The following DNAH6 variants were observed in gnomAD, a reference collection of about 807,000 sequenced individuals.
The protein encoded by DNAH6 is dynein axonemal heavy chain 6.
Under a neutral mutation model 491.4 loss-of-function variants are expected in DNAH6, and 340 were observed. The ratio of observed to expected loss-of-function variants is 0.69; its 90% confidence interval spans 0.63 to 0.76. DNAH6 has a LOEUF of 0.76. Among genes scored for constraint, DNAH6 ranks in the 30% least tolerant of loss-of-function variants. The pLI, the probability that DNAH6 is intolerant of heterozygous loss-of-function variation, is 0.00. For synonymous variants in DNAH6, 1,603 were observed against 1,686.1 expected (o/e 0.95, Z 1.21); for missense variants, 4,443 against 4,972.2 (o/e 0.89, Z 3.20).
At chr2:84,551,720 C>T (rs1679387863) in intron 9 of DNAH6, among the ~76,000 whole-genome samples, 3 of 152,140 alleles carry the variant, frequency 2.0e-5, no homozygotes, top group South Asian at 2.1e-4. Context: ...GTATACTCTC[C>T]AGAAAGCTTT....
At chr2:84,531,831 A>AT (rs888362382) in intron 4 of DNAH6, among the ~76,000 whole-genome samples, 1 of 151,786 alleles carries the variant, frequency 6.6e-6, no homozygotes, top group African/African-American at 2.4e-5. Flanking sequence ...AAGCCCTTCA[A>AT]TTAAAAAAAA....
intron 4 of DNAH6, among the ~76,000 whole-genome samples, chr2:84,540,668 A>C (rs958543402): frequency 6.6e-6 from 1 of 152,128 alleles, no homozygotes; most frequent in African/African-American, 2.4e-5. Flanking sequence ...AAGGGCCCCA[A>C]AATTCTCTCA....
intron 29 of DNAH6, among the ~76,000 whole-genome samples, chr2:84,625,446 G>T (rs145123753): frequency 0.015 from 2,221 of 152,172 alleles, 24 homozygotes; most frequent in Non-Finnish European, 0.022. Flanking sequence ...TATGTGGGAG[G>T]TGAGAATTCA....
intron 33 of DNAH6, among the ~76,000 whole-genome samples, chr2:84,651,397 AC>A (rs1690440917): frequency 6.6e-6 from 1 of 152,124 alleles, no homozygotes; most frequent in South Asian, 2.1e-4. Flanking sequence ...GACTTGTTAC[AC>A]CCTAGCTAGA....
At chr2:84,813,794 T>A (rs2105343539) in intron 74 of DNAH6, among the ~76,000 whole-genome samples, 177 bp from the exon 75 acceptor site, 1 of 152,136 alleles carries the variant, frequency 6.6e-6, no homozygotes, top group South Asian at 2.1e-4. Flanking sequence ...CCTCCCAACA[T>A]GACCCGCAGG....
chr2:84,569,277 A>G (rs1681536268), intron 11 of DNAH6, among the ~76,000 whole-genome samples: 1 of 152,126 alleles, frequency 6.6e-6, no homozygotes, highest in South Asian at 2.1e-4. Flanking sequence ...GGCAAAGTAC[A>G]AAAGAATATC....
At chr2:84,686,417 T>C (rs890867740) in intron 43 of DNAH6, 67 bp from the exon 44 acceptor site, 21 of 917,016 alleles carry the variant, frequency 2.3e-5, no homozygotes, top group Non-Finnish European at 3.4e-5. Context: ...TTCTATATGT[T>C]TTATCACTAA....
At chr2:84,543,563 T>C (rs1678471063) in intron 4 of DNAH6, among the ~76,000 whole-genome samples, 1 of 152,230 alleles carries the variant, frequency 6.6e-6, no homozygotes, top group Admixed American at 6.5e-5. Context: ...GGAAAAATTT[T>C]ATTTTAAGCA....
At chr2:84,517,129 C>T (rs1675677039) in intron 1 of DNAH6, among the ~76,000 whole-genome samples, 1 of 152,162 alleles carries the variant, frequency 6.6e-6, no homozygotes, top group South Asian at 2.1e-4. Context: ...GATTCAAGAC[C>T]TCTTGTGCTA....
intron 33 of DNAH6, among the ~76,000 whole-genome samples, chr2:84,643,167 T>G (rs894501299): frequency 6.6e-6 from 1 of 152,060 alleles, no homozygotes; most frequent in Non-Finnish European, 1.5e-5. Context: ...GTTGGTGGGG[T>G]TTTCCTCATA....
chr2:84,610,465 C>T lies in DNAH6; in HGVS notation c.3295-1209C>T, dbSNP rs112763267. Among the ~76,000 whole-genome samples, 1,361 of 152,230 alleles carry T rather than the reference C, an allele frequency of 8.9e-3. 12 individuals are homozygous for T. The highest frequency in any genetic ancestry group is 0.031 in the African/African-American group (1,277 of 41,536). ...GGCCACCTTATGAGTCTTGCTACAA[C>T]GACTATATTTACTGGAAGAATGCTC... On this transcript the variant is annotated intron_variant, in intron 21 of 76. Transcript: ENST00000389394.
At chr2:84,553,365 T>TTTC (rs201356778) in intron 10 of DNAH6, among the ~76,000 whole-genome samples, 820 of 19,710 alleles carry the variant, frequency 0.042, 20 homozygotes, top group Middle Eastern at 0.059. Flanking sequence ...TTTTCTTTTC[T>TTTC]TTTCTTTCTT....
chr2:84,778,883 T>G (rs1196914507), intron 64 of DNAH6, among the ~76,000 whole-genome samples: 1 of 152,250 alleles, frequency 6.6e-6, no homozygotes, highest in Non-Finnish European at 1.5e-5. Context: ...GTTTTATTTC[T>G]GCCTTAATAT....
chr2:84,749,545 C>G (rs764675153), intron 63 of DNAH6, among the ~76,000 whole-genome samples: 8 of 152,178 alleles, frequency 5.3e-5, no homozygotes, highest in Non-Finnish European at 7.3e-5. Flanking sequence ...AAGTTAGAAG[C>G]CAAGGAACTG....
At chr2:84,557,997 A>G (rs1680239052) in intron 11 of DNAH6, 62 bp downstream of exon 11, 1 of 1,122,930 alleles carries the variant, frequency 8.9e-7, no homozygotes, top group Admixed American at 2.7e-5. Flanking sequence ...ATTAAGTAAT[A>G]TATATTTTTT....
chr2:84,733,691 T>C, intron 62 of DNAH6, 112 bp downstream of exon 62: 1 of 978,284 alleles, frequency 1.0e-6, no homozygotes, highest in East Asian at 2.7e-5. Flanking sequence ...ACTAGGAACT[T>C]CCTTCATTTC....
At chr2:84,691,523 G>A (rs1192300) in intron 45 of DNAH6, among the ~76,000 whole-genome samples, 5,255 of 152,286 alleles carry the variant, frequency 0.035, 136 homozygotes, top group Non-Finnish European at 0.053. Flanking sequence ...ATGGGTCTTC[G>A]TTGTTCTAGT....
At chr2:84,627,788 T>C (rs1558819384) in intron 29 of DNAH6, among the ~76,000 whole-genome samples, 2 of 152,196 alleles carry the variant, frequency 1.3e-5, no homozygotes, top group African/African-American at 4.8e-5. Context: ...ACTTCTGTTC[T>C]CCACTTCTCT....
At chr2:84,540,353 A>C (rs547512134) in intron 4 of DNAH6, among the ~76,000 whole-genome samples, 1 of 152,302 alleles carries the variant, frequency 6.6e-6, no homozygotes, top group Admixed American at 6.5e-5. Context: ...CAGGAGCAAT[A>C]AGAGGCTATT....
Sources: allele counts gnomAD v4.1 joint callset (sites outside exome capture counted in the v4.1 genomes callset), GRCh38; gene constraint gnomAD v4.1.1; transcripts MANE v1.5; gene names NCBI Gene and HGNC (gene_info 2026-07-23, HGNC 2026-07-21).